The following MAGI3 variants were observed in gnomAD, a reference collection of about 807,000 sequenced individuals.
The protein encoded by MAGI3 is membrane-associated guanylate kinase, WW and PDZ domain-containing protein 3.
A neutral mutation model predicts 121.8 loss-of-function variants in MAGI3; 43 were observed. The observed-to-expected ratio is 0.35, with a 90% CI of 0.28 to 0.46. The LOEUF (loss-of-function observed/expected upper bound fraction) is 0.46. Ranked by LOEUF, MAGI3 falls within the 20% of genes least tolerant of loss-of-function variation. The probability of loss-of-function intolerance (pLI) is 1.00; values close to 1 mark genes in which losing one functional copy is unlikely to be tolerated. For missense variants in MAGI3, 1,547 were observed against 1,797.3 expected, an observed-to-expected ratio of 0.86 and a Z score of 2.52; for synonymous variants, 553 against 639.3, an observed-to-expected ratio of 0.86 and a Z score of 2.04.
In MAGI3 at chr1:113,684,039, C is replaced by A; in HGVS notation, c.*25C>A. Reference sequence around the variant, plus strand: ...ACCTTTAGTATAAAACAAAGAAAAACAAGTTGTAATCTTTTCTTACAGCAG... The same window carrying A: ...ACCTTTAGTATAAAACAAAGAAAAAAAAGTTGTAATCTTTTCTTACAGCAG... On this transcript the variant is annotated 3_prime_UTR_variant, in exon 21 of 21. Transcript: ENST00000307546. The A allele has an allele frequency of 6.7e-7, 1 of 1,486,970 alleles. No individual in the cohort carries two copies. Among genetic ancestry groups the A allele is most frequent in the Non-Finnish European group, 8.9e-7 (1 of 1,122,862 alleles). 92.1% of individuals were successfully genotyped at this position (1,486,970 alleles called of 1,614,324 possible). A position where few individuals can be genotyped will look rare whatever the true frequency, so the allele number is the denominator to read the frequency against.
chr1:113,469,553 C>T (rs1052595471), intron 1 of MAGI3, among the ~76,000 whole-genome samples: 1 of 151,404 alleles, frequency 6.6e-6, no homozygotes, highest in Non-Finnish European at 1.5e-5. Context: ...TATGTTTATA[C>T]TTCCAGTAAT....
intron 2 of MAGI3, among the ~76,000 whole-genome samples, chr1:113,576,506 C>T (rs1009667409): frequency 6.6e-6 from 1 of 152,276 alleles, no homozygotes; most frequent in Non-Finnish European, 1.5e-5. Flanking sequence ...TAACCAGTCC[C>T]AACGAGATTA....
intron 1 of MAGI3, among the ~76,000 whole-genome samples, chr1:113,454,391 A>G (rs1654643511): frequency 6.6e-6 from 1 of 152,142 alleles, no homozygotes; most frequent in Non-Finnish European, 1.5e-5. Context: ...GTACATTTTA[A>G]TTTCACTTAG....
At chr1:113,589,762 C>G (rs1303763315) in intron 4 of MAGI3, among the ~76,000 whole-genome samples, 1 of 152,028 alleles carries the variant, frequency 6.6e-6, no homozygotes, top group African/African-American at 2.4e-5. Context: ...GTTTTAGAAA[C>G]AAGTTTTAAG....
chr1:113,416,224 TAATG>T (rs1652348774), intron 1 of MAGI3, among the ~76,000 whole-genome samples: 1 of 137,898 alleles, frequency 7.3e-6, no homozygotes, highest in Non-Finnish European at 1.6e-5. Context: ...TATGTGTAAT[TAATG>T]ACACATATTA....
chr1:113,444,601 A>G (rs1441217432), intron 1 of MAGI3, among the ~76,000 whole-genome samples: 1 of 152,204 alleles, frequency 6.6e-6, no homozygotes, highest in African/African-American at 2.4e-5. Flanking sequence ...AATAAATAGA[A>G]ATAACAACAA....
chr1:113,531,976 G>T (rs1027262278), intron 1 of MAGI3, among the ~76,000 whole-genome samples: 2 of 152,114 alleles, frequency 1.3e-5, no homozygotes, highest in Admixed American at 6.5e-5. Flanking sequence ...ATATAATTCA[G>T]TTCTTAAGTC....
chr1:113,618,177 AT>A (rs200178995), intron 7 of MAGI3, among the ~76,000 whole-genome samples: 1,914 of 78,816 alleles, frequency 0.024, 40 homozygotes, highest in African/African-American at 0.072. Context: ...AAAAAAAAAA[AT>A]TTTTTTTAAT....
At position 113,651,154 on chromosome 1, in the gene MAGI3, T is replaced by A; in HGVS notation, c.2388T>A (p.Ala796=). 2 of 1,614,102 alleles carry A rather than the reference T, an allele frequency of 1.2e-6. No homozygotes were observed. Among genetic ancestry groups the A allele is most frequent in the Non-Finnish European group, 1.7e-6 (2 of 1,180,026 alleles). The change falls in exon 14 of 21, where the codon GCT becomes GCA. Residue 796 remains alanine, a synonymous_variant. Coordinates refer to ENST00000307546, the MANE Select transcript of MAGI3 (RefSeq NM_001142782.2). ...HKQVLDLMTT[A]ARNGHVLLTV... ...AAGTCTTGGACCTCATGACAACTGC[T>A]GCTCGAAATGGCCATGTGTTACTAA...
Position 113,549,541 on chromosome 1 carries a change from C to T in MAGI3, c.343C>T (p.His115Tyr). The T allele has an allele frequency of 6.3e-7, 1 of 1,598,524 alleles. No individual in the cohort carries two copies. Among genetic ancestry groups the T allele is most frequent in the Non-Finnish European group, 8.5e-7 (1 of 1,172,216 alleles). ...CAAAGTCATTAATAAAGATTTGCGGCATTACCTAAGTCTTCAGTTTCAAAA... is the reference window on the plus strand; with the variant it reads ...CAAAGTCATTAATAAAGATTTGCGGTATTACCTAAGTCTTCAGTTTCAAAA... Reference protein sequence around the residue: ...PGKVINKDLRHYLSLQFQKGS... With the variant: ...PGKVINKDLRYYLSLQFQKGS... Residue 115 changes from histidine (H) to tyrosine (Y), a missense_variant, in exon 2 of 21, where the codon CAT becomes TAT. By Grantham distance (83) the His-to-Tyr change is moderately conservative. Coordinates refer to ENST00000307546, the MANE Select transcript of MAGI3 (RefSeq NM_001142782.2).
chr1:113,453,664 G>A (rs1302450509), intron 1 of MAGI3, among the ~76,000 whole-genome samples: 1 of 152,152 alleles, frequency 6.6e-6, no homozygotes, highest in Non-Finnish European at 1.5e-5. Context: ...TGTAGAGCTA[G>A]CCCTTACATA....
intron 1 of MAGI3, among the ~76,000 whole-genome samples, chr1:113,494,315 A>G (rs1219992461): frequency 1.3e-5 from 2 of 152,182 alleles, no homozygotes; most frequent in African/African-American, 4.8e-5. Context: ...AAATGATGAG[A>G]ACACGTGGAC....
intron 9 of MAGI3, among the ~76,000 whole-genome samples, chr1:113,641,065 T>G (rs1448427819): frequency 5.5e-5 from 3 of 54,506 alleles, no homozygotes; most frequent in Admixed American, 3.9e-4. Flanking sequence ...TTATATATGA[T>G]ATATATAATA....
chr1:113,411,721 T>G (rs923240574), intron 1 of MAGI3, among the ~76,000 whole-genome samples: 9 of 149,196 alleles, frequency 6.0e-5, no homozygotes, highest in African/African-American at 1.2e-4. Flanking sequence ...ATTTTTTGGT[T>G]TTTTTTTTTT....
chr1:113,646,705 C>CT, intron 12 of MAGI3, 63 bp downstream of exon 12: 1 of 1,254,522 alleles, frequency 8.0e-7, no homozygotes, highest in Non-Finnish European at 1.1e-6. Context: ...TTATTTTAGA[C>CT]TAGGACCTTC....
chr1:113,455,425 C>A (rs1270704039), intron 1 of MAGI3, among the ~76,000 whole-genome samples: 1 of 151,874 alleles, frequency 6.6e-6, no homozygotes, highest in African/African-American at 2.4e-5. Context: ...TAAATAGCTT[C>A]CCATTGTTCT....
intron 2 of MAGI3, among the ~76,000 whole-genome samples, chr1:113,577,487 A>T (rs1025175478): frequency 1.3e-5 from 2 of 151,530 alleles, no homozygotes; most frequent in African/African-American, 4.9e-5. Flanking sequence ...GTGAGGGGGG[A>T]TGTAGAAAGC....
intron 1 of MAGI3, among the ~76,000 whole-genome samples, chr1:113,507,084 C>T (rs1211274016): frequency 6.6e-6 from 1 of 151,706 alleles, no homozygotes; most frequent in Non-Finnish European, 1.5e-5. Context: ...GATGAACTTG[C>T]CCTGTAGGAA....
At chr1:113,438,270 C>T (rs1323875079) in intron 1 of MAGI3, among the ~76,000 whole-genome samples, 2 of 152,076 alleles carry the variant, frequency 1.3e-5, no homozygotes, top group Non-Finnish European at 1.5e-5. Context: ...ACAGTAGTCC[C>T]CCTGTATCCT....
Sources: allele counts gnomAD v4.1 joint callset (sites outside exome capture counted in the v4.1 genomes callset), GRCh38; gene constraint gnomAD v4.1.1; transcripts MANE v1.5; gene names NCBI Gene and HGNC (gene_info 2026-07-23, HGNC 2026-07-21).